SVOPL: variants seen among roughly 807,000 people sequenced by gnomAD.
SVOPL encodes the protein putative transporter SVOPL.
Under a neutral mutation model 61.0 loss-of-function variants are expected in SVOPL, and 60 were observed. The observed-to-expected ratio is 0.98, with a 90% CI of 0.80 to 1.22. The LOEUF (loss-of-function observed/expected upper bound fraction) is 1.22. Among genes scored for constraint, SVOPL ranks in the 50% most tolerant of loss-of-function variants. The pLI is 0.00. For missense variants in SVOPL, 662 were observed against 643.9 expected (o/e 1.03, Z -0.30); for synonymous variants, 279 against 250.0 (o/e 1.12, Z -1.09).
chr7:138,660,079 C>T, intron 5 of SVOPL, 91 bp from the exon 6 acceptor site: 2 of 1,511,612 alleles, frequency 1.3e-6, no homozygotes, highest in Non-Finnish European at 8.9e-7. Context: ...CGGTTTCCAT[C>T]CTGATAGTTG....
Position 138,606,417 on chromosome 7 carries a change from T to A in SVOPL, c.1354-9887A>T, listed in dbSNP as rs78071291. 4.9e-4 allele frequency among the ~76,000 whole-genome samples: 75 copies of A among 152,284 alleles called. No individual in the cohort carries two copies. The East Asian group carries it at 0.01, about 20-fold the overall frequency. On this transcript the variant is annotated intron_variant, in intron 14 of 15. Transcript: ENST00000674285. ...TAAGAAACTTCCCTACCTGTGTAAC[T>A]TCCCTTATCTGCGTAGTTACTTGTG...
At chr7:138,698,334 TG>T (rs1294327579) in intron 1 of SVOPL, among the ~76,000 whole-genome samples, 2 of 152,210 alleles carry the variant, frequency 1.3e-5, no homozygotes, top group African/African-American at 4.8e-5. Context: ...ACCTTGCTGG[TG>T]GCAGTGGCCA....
intron 13 of SVOPL, 136 bp from the exon 14 acceptor site, chr7:138,621,271 G>A: frequency 1.7e-6 from 1 of 578,788 alleles, no homozygotes; most frequent in South Asian, 3.5e-5. Flanking sequence ...GGAATAGAAG[G>A]TGTTGATTTT....
chr7:138,659,262 CG>C (rs1190823456), intron 6 of SVOPL, among the ~76,000 whole-genome samples: 3 of 152,056 alleles, frequency 2.0e-5, no homozygotes, highest in African/African-American at 7.2e-5. Context: ...GAGGCCAAGG[CG>C]GGTGGATTAC....
chr7:138,674,208 C>T (rs113765185), intron 3 of SVOPL, among the ~76,000 whole-genome samples: 12 of 149,152 alleles, frequency 8.0e-5, no homozygotes, highest in Admixed American at 7.3e-4. Flanking sequence ...CATACACACA[C>T]ACACACACAC....
chr7:138,599,590 T>C (rs2116743240), intron 14 of SVOPL, among the ~76,000 whole-genome samples: 1 of 152,214 alleles, frequency 6.6e-6, no homozygotes, highest in Middle Eastern at 3.4e-3. Context: ...ATAAATAAAT[T>C]ATGAAAAAAT....
At chr7:138,628,389 A>G in intron 10 of SVOPL, 26 bp from the exon 11 acceptor site, 1 of 1,609,912 alleles carries the variant, frequency 6.2e-7, no homozygotes, top group Non-Finnish European at 8.5e-7. Flanking sequence ...CAAAGTCACT[A>G]GCCAACGCTG....
chr7:138,631,866 G>T (rs1800208121), intron 9 of SVOPL, among the ~76,000 whole-genome samples: 1 of 151,816 alleles, frequency 6.6e-6, no homozygotes, highest in South Asian at 2.1e-4. Context: ...ACCATGCCCG[G>T]CAGGCTCACT....
chr7:138,603,405 C>T (rs896363379), intron 14 of SVOPL, among the ~76,000 whole-genome samples: 9 of 152,094 alleles, frequency 5.9e-5, no homozygotes, highest in African/African-American at 1.7e-4. Context: ...TAAAGCAGGC[C>T]GGGTGCGGTG....
chr7:138,632,821 T>C (rs1178604786), intron 9 of SVOPL, among the ~76,000 whole-genome samples: 1 of 152,150 alleles, frequency 6.6e-6, no homozygotes, highest in Non-Finnish European at 1.5e-5. Flanking sequence ...ACTACTGCAT[T>C]CAATTCACAA....
At chr7:138,664,142 C>T (rs1301603116) in intron 4 of SVOPL, 5 of 910,914 alleles carry the variant, frequency 5.5e-6, no homozygotes, top group Non-Finnish European at 6.6e-6. Flanking sequence ...TCACTCGCCC[C>T]CAACGATCCT....
At chr7:138,688,205 C>G (rs1288563757) in intron 1 of SVOPL, among the ~76,000 whole-genome samples, 1 of 151,872 alleles carries the variant, frequency 6.6e-6, no homozygotes, top group East Asian at 1.9e-4. Context: ...CATCATTGGT[C>G]ATTCGGGAAA....
intron 13 of SVOPL, among the ~76,000 whole-genome samples, chr7:138,621,878 C>CTGTCTATCTATGTATCTATG (rs1563095604): frequency 3.9e-4 from 17 of 43,354 alleles, no homozygotes; most frequent in Non-Finnish European, 6.3e-4. Context: ...ATCTATCTAT[C>CTGTCTATCTATGTATCTATG]TATCTATCTA....
At chr7:138,653,945 AAAAG>A (rs1178107148) in intron 7 of SVOPL, among the ~76,000 whole-genome samples, 609 of 41,882 alleles carry the variant, frequency 0.015, 8 homozygotes, top group African/African-American at 0.028. Flanking sequence ...AAAAAAAAAA[AAAAG>A]AAAAGAAAAG....
intron 14 of SVOPL, chr7:138,597,349 T>A: frequency 3.3e-6 from 2 of 610,366 alleles, no homozygotes; most frequent in Non-Finnish European, 4.7e-6. Flanking sequence ...ACTAAGTGAC[T>A]AGTCTCAGTA....
chr7:138,657,024 G>T (rs997273066), intron 6 of SVOPL, among the ~76,000 whole-genome samples: 18 of 148,610 alleles, frequency 1.2e-4, no homozygotes, highest in South Asian at 4.3e-4. Flanking sequence ...CAACAAGAGC[G>T]AAACTCCATG....
chr7:138,631,960 TCACACACA>T (rs756332176), intron 9 of SVOPL, among the ~76,000 whole-genome samples: 7 of 146,966 alleles, frequency 4.8e-5, no homozygotes, highest in Non-Finnish European at 1.0e-4. Flanking sequence ...TGCTCTGATA[TCACACACA>T]CACACACACA....
intron 14 of SVOPL, among the ~76,000 whole-genome samples, chr7:138,612,436 T>TAAAAAAAAAAAAAAAAAAAAA (rs60800575): frequency 5.6e-5 from 1 of 17,856 alleles, no homozygotes; most frequent in Non-Finnish European, 1.1e-4. Context: ...AAATAAAAAA[T>TAAAAAAAAAAAAAAAAAAAAA]AAAAAAAAAA....
intron 8 of SVOPL, among the ~76,000 whole-genome samples, chr7:138,645,158 G>A (rs1239751815): frequency 4.0e-5 from 6 of 151,796 alleles, no homozygotes; most frequent in East Asian, 3.9e-4. Context: ...CCACTGCTGC[G>A]GGCACCCCTC....
Sources: allele counts gnomAD v4.1 joint callset (sites outside exome capture counted in the v4.1 genomes callset), GRCh38; gene constraint gnomAD v4.1.1; transcripts MANE v1.5; gene names NCBI Gene and HGNC (gene_info 2026-07-23, HGNC 2026-07-21).